Variants in IL1RAPL1 observed in about 807,000 individuals in gnomAD.
The protein encoded by IL1RAPL1 is interleukin-1 receptor accessory protein-like 1.
Under a neutral mutation model 48.4 loss-of-function variants are expected in IL1RAPL1, and 3 were observed. That is an observed-to-expected ratio of 0.06 (90% CI 0.03 to 0.16). The LOEUF (loss-of-function observed/expected upper bound fraction) is 0.16, where lower values mean the gene tolerates loss of function less well. Among genes scored for constraint, IL1RAPL1 ranks in the 10% least tolerant of loss-of-function variants. IL1RAPL1 has a pLI of 1.00. For synonymous variants in IL1RAPL1, 185 were observed against 187.7 expected (o/e 0.99, Z 0.12); for missense variants, 349 against 530.6 (o/e 0.66, Z 3.36).
chrX:29,391,378 C>T (rs1933851326), intron 3 of IL1RAPL1, among the ~76,000 whole-genome samples: 1 of 111,447 alleles, frequency 9.0e-6, no homozygotes, highest in Non-Finnish European at 1.9e-5. Context: ...TTTGGGAATT[C>T]CCAATATTTT....
At chrX:28,766,326 A>G (rs1936237988) in intron 1 of IL1RAPL1, among the ~76,000 whole-genome samples, 1 of 110,736 alleles carries the variant, frequency 9.0e-6, no homozygotes, top group Non-Finnish European at 1.9e-5. Context: ...TGGTAATACA[A>G]TTGCTAAGAC....
chrX:29,121,104 A>T (rs1189349941), intron 2 of IL1RAPL1, among the ~76,000 whole-genome samples: 2 of 111,972 alleles, frequency 1.8e-5, no homozygotes, highest in African/African-American at 3.2e-5. Context: ...GATAAAGAAC[A>T]TCTACAAAAT....
At chrX:28,982,596 G>A (rs1032616703) in intron 2 of IL1RAPL1, among the ~76,000 whole-genome samples, 14 of 111,301 alleles carry the variant, frequency 1.3e-4, no homozygotes, top group South Asian at 3.7e-4. Flanking sequence ...TATTTTTAAC[G>A]TTTTGCTTTT....
intron 2 of IL1RAPL1, among the ~76,000 whole-genome samples, chrX:29,011,829 TAAAC>T (rs745543189): frequency 1.1e-3 from 124 of 112,885 alleles, no homozygotes; most frequent in Non-Finnish European, 2.1e-3. Flanking sequence ...ATTTCTCTCA[TAAAC>T]TAAATAAATG....
intron 3 of IL1RAPL1, among the ~76,000 whole-genome samples, chrX:29,283,718 T>C (rs1932237505): frequency 8.9e-6 from 1 of 112,133 alleles, no homozygotes; most frequent in African/African-American, 3.2e-5. Flanking sequence ...TCCAGATTGC[T>C]TTGCTAACCA....
At chrX:29,863,932 G>A (rs1421977823) in intron 6 of IL1RAPL1, among the ~76,000 whole-genome samples, 3 of 111,551 alleles carry the variant, frequency 2.7e-5, no homozygotes, top group Non-Finnish European at 3.8e-5. Flanking sequence ...GATTACAGGC[G>A]TGTGCCACCA....
intron 3 of IL1RAPL1, among the ~76,000 whole-genome samples, chrX:29,381,833 A>AAATAT (rs1365599735): frequency 9.5e-4 from 24 of 25,379 alleles, no homozygotes; most frequent in African/African-American, 1.3e-3. Flanking sequence ...AAAAAAAAAA[A>AAATAT]ATATATATAT....
At chrX:29,178,183 T>A (rs933666558) in intron 2 of IL1RAPL1, among the ~76,000 whole-genome samples, 1 of 112,009 alleles carries the variant, frequency 8.9e-6, no homozygotes, top group Non-Finnish European at 1.9e-5. Context: ...TCTTTCACAA[T>A]GGTTGAACTA....
chrX:28,762,784 G>GCA (rs1340159103), intron 1 of IL1RAPL1, among the ~76,000 whole-genome samples: 1 of 54,376 alleles, frequency 1.8e-5, no homozygotes, highest in African/African-American at 1.2e-4. Context: ...ACGCACGCGC[G>GCA]CGCACACACA....
chrX:29,180,795 CTTT>C (rs759705984), intron 2 of IL1RAPL1, among the ~76,000 whole-genome samples: 1 of 111,749 alleles, frequency 8.9e-6, no homozygotes, highest in Admixed American at 9.5e-5. Context: ...AACATAATTC[CTTT>C]TTCATACTTT....
At chrX:29,310,156 AG>A (rs1932702387) in intron 3 of IL1RAPL1, among the ~76,000 whole-genome samples, 1 of 104,150 alleles carries the variant, frequency 9.6e-6, no homozygotes, top group Non-Finnish European at 2.0e-5. Context: ...AAACAAAAAA[AG>A]GGTAAGTCGG....
At chrX:29,129,448 G>T (rs1222128233) in intron 2 of IL1RAPL1, among the ~76,000 whole-genome samples, 1 of 111,047 alleles carries the variant, frequency 9.0e-6, no homozygotes, top group Non-Finnish European at 1.9e-5. Flanking sequence ...GTTTTTATGT[G>T]TGGGAAAATT....
chrX:28,589,813 A>G (rs964448703), intron 1 of IL1RAPL1, among the ~76,000 whole-genome samples: 1 of 111,781 alleles, frequency 8.9e-6, no homozygotes, highest in African/African-American at 3.2e-5. Flanking sequence ...CTTAACCATG[A>G]CAATCTCTTT....
At chrX:29,581,858 G>C (rs1038780905) in intron 5 of IL1RAPL1, among the ~76,000 whole-genome samples, 2 of 111,512 alleles carry the variant, frequency 1.8e-5, no homozygotes, top group African/African-American at 6.5e-5. Context: ...AAGTTTACTA[G>C]ATCAACTACA....
chrX:29,642,550 C>A (rs60866491), intron 5 of IL1RAPL1, among the ~76,000 whole-genome samples: 18,117 of 111,563 alleles, frequency 0.16, 1,415 homozygotes, highest in African/African-American at 0.3. Flanking sequence ...ATTGTTTTTC[C>A]AGAGAATAAG....
intron 5 of IL1RAPL1, among the ~76,000 whole-genome samples, chrX:29,428,263 T>A (rs768700917): frequency 1.8e-5 from 2 of 112,131 alleles, no homozygotes; most frequent in South Asian, 7.3e-4. Flanking sequence ...AAATTTATAC[T>A]CTAGTAAGTA....
chrX:29,541,748 T>G lies in IL1RAPL1; in HGVS notation c.704-126682T>G, dbSNP rs150268077. Among the ~76,000 whole-genome samples the G allele has an allele frequency of 3.2e-4, 35 of 110,681 alleles. No homozygotes were observed. The East Asian group carries it at 1.0e-2, about 32-fold the overall frequency. On this transcript the variant is annotated intron_variant, in intron 5 of 10. Transcript: ENST00000378993. ...GAGCTAACCATTGGATACTTATGGA[T>G]ATAAAGAAGGCAACAATAGAAACTG...
intron 5 of IL1RAPL1, among the ~76,000 whole-genome samples, chrX:29,608,686 C>T (rs997413388): frequency 8.1e-5 from 8 of 99,254 alleles, no homozygotes; most frequent in East Asian, 3.3e-4. Flanking sequence ...ATTAGCCGGG[C>T]GTGGTGGCGG....
Position 29,023,776 on chromosome X carries a change from T to A in IL1RAPL1, c.82+234351T>A, listed in dbSNP as rs190967177. Among the ~76,000 whole-genome samples, 575 of 112,008 alleles carry A rather than the reference T, an allele frequency of 5.1e-3. 5 individuals are homozygous for A. The highest frequency in any genetic ancestry group is 0.016 in the African/African-American group (482 of 30,904). The stretch of plus-strand genomic sequence containing the variant: ...CTTATCTGTATCGATTAGATAAATA[T>A]TTAAAGTAAAGCTGAATATAGCAGT... On this transcript the variant is annotated intron_variant, in intron 2 of 10. Coordinates refer to ENST00000378993, the MANE Select transcript of IL1RAPL1 (RefSeq NM_014271.4).
Sources: allele counts gnomAD v4.1 joint callset (sites outside exome capture counted in the v4.1 genomes callset), GRCh38; gene constraint gnomAD v4.1.1; transcripts MANE v1.5; gene names NCBI Gene and HGNC (gene_info 2026-07-23, HGNC 2026-07-21).